NEMP2: variants seen among roughly 807,000 people sequenced by gnomAD.
The protein encoded by NEMP2 is UPF0571 transmembrane protein.
NEMP2 carries 53 observed loss-of-function variants against 54.2 expected under a neutral mutation model. That is an observed-to-expected ratio of 0.98 (90% CI 0.78 to 1.23). The LOEUF is 1.23. Ranked by LOEUF, NEMP2 falls within the 50% of genes most tolerant of loss-of-function variation. The pLI, the probability that NEMP2 is intolerant of heterozygous loss-of-function variation, is 0.00. For missense variants in NEMP2, 455 were observed against 511.3 expected (o/e 0.89, Z 1.06); for synonymous variants, 197 against 190.3 (o/e 1.04, Z -0.29).
chr2:190,533,928 C>T lies in NEMP2; in HGVS notation c.97+631G>A. On this transcript the variant is annotated intron_variant, in intron 1 of 8. Transcript: ENST00000409150. The surrounding 1 kb of genome is among the most constrained non-coding windows in gnomAD (Gnocchi z 4.3). ...CCCACTCCGTGGCGAGCCCCTACAGCTAGCAGCCGCTACCAGTTCTTGCTT... is the reference window on the plus strand; with the variant it reads ...CCCACTCCGTGGCGAGCCCCTACAGTTAGCAGCCGCTACCAGTTCTTGCTT... 2 of 971,356 alleles carry T rather than the reference C, an allele frequency of 2.1e-6. No individual in the cohort carries two copies. The highest frequency in any genetic ancestry group is 5.3e-4 in the Middle Eastern group (1 of 1,884). The allele number at this position is 971,356 out of a possible 1,614,324, so 60.2% of individuals were successfully genotyped here.
the NEMP2 span, among the ~76,000 whole-genome samples, chr2:190,640,719 AGT>A: frequency 6.7e-6 from 1 of 150,128 alleles, no homozygotes; most frequent in Non-Finnish European, 1.5e-5. Context: ...CCTAGAAGGC[AGT>A]GTTGAGTAAT....
At chr2:190,556,008 G>A in the NEMP2 span, among the ~76,000 whole-genome samples, 128 of 152,210 alleles carry the variant, frequency 8.4e-4, no homozygotes, top group African/African-American at 2.9e-3. Context: ...ACCAAAACCT[G>A]GCAGAGACAC....
chr2:190,604,207 C>A, the NEMP2 span, among the ~76,000 whole-genome samples: 2 of 152,176 alleles, frequency 1.3e-5, no homozygotes, highest in African/African-American at 4.8e-5. The surrounding 1 kb of genome is among the most constrained non-coding windows in gnomAD (Gnocchi z 4.5). Flanking sequence ...AGGGCATAGA[C>A]AGGGTTACCC....
At chr2:190,630,911 G>A in the NEMP2 span, among the ~76,000 whole-genome samples, 9 of 151,576 alleles carry the variant, frequency 5.9e-5, no homozygotes, top group Admixed American at 1.3e-4. This position sits in a 1 kb window ranked among gnomAD's most constrained non-coding sequence, Gnocchi z 5.5. Flanking sequence ...GTCTGTAGTC[G>A]TAGTGCTTTG....
At chr2:190,478,343 T>C in the NEMP2 span, among the ~76,000 whole-genome samples, 1 of 152,098 alleles carries the variant, frequency 6.6e-6, no homozygotes, top group Non-Finnish European at 1.5e-5. Context: ...ATGGTTTCAT[T>C]CCCTGGCAGA....
rs185641464 is a variant in NEMP2 at position 190,521,730 on chromosome 2, C to T, written c.214-2547G>A. On this transcript the variant is annotated intron_variant, in intron 2 of 8. Coordinates refer to ENST00000409150, the MANE Select transcript of NEMP2 (RefSeq NM_001142645.2). This position sits in a 1 kb window ranked among gnomAD's most constrained non-coding sequence, Gnocchi z 6.2. ...CTTCCATGTTGCTAACTCAAATGCC[C>T]AATTAATTCTCAGTCATCTTATTTG... Among the ~76,000 whole-genome samples, 2 of 152,300 alleles carry T rather than the reference C, an allele frequency of 1.3e-5. No individual in the cohort carries two copies. The highest frequency in any genetic ancestry group is 4.8e-5 in the African/African-American group (2 of 41,558).
the NEMP2 span, among the ~76,000 whole-genome samples, chr2:190,430,831 G>A: frequency 3.5e-4 from 51 of 146,606 alleles, no homozygotes; most frequent in African/African-American, 1.2e-3. Flanking sequence ...CGGGGCGGCC[G>A]GCCGGGCGGG....
chr2:190,633,503 G>A, the NEMP2 span, among the ~76,000 whole-genome samples: 4 of 151,478 alleles, frequency 2.6e-5, no homozygotes, highest in East Asian at 1.9e-4. Flanking sequence ...TAGTAGAGAC[G>A]GGGTTTCACC....
At chr2:190,516,424 A>C in intron 5 of NEMP2, 40 bp from the exon 6 acceptor site, 1 of 1,394,698 alleles carries the variant, frequency 7.2e-7, no homozygotes, top group Non-Finnish European at 9.8e-7. Context: ...TTTTTGGTTC[A>C]TTCACTCTCA....
At chr2:190,643,307 T>C in the NEMP2 span, among the ~76,000 whole-genome samples, 1 of 152,136 alleles carries the variant, frequency 6.6e-6, no homozygotes, top group Non-Finnish European at 1.5e-5. Flanking sequence ...AAGCAGAAGC[T>C]ACTGAGGGAA....
At chr2:190,647,501 T>C in the NEMP2 span, among the ~76,000 whole-genome samples, 1 of 152,158 alleles carries the variant, frequency 6.6e-6, no homozygotes, top group African/African-American at 2.4e-5. Flanking sequence ...AATGGCCTCC[T>C]ATAAAACTTG....
intron 1 of NEMP2, among the ~76,000 whole-genome samples, chr2:190,532,541 A>T (rs1480470776): frequency 6.6e-6 from 1 of 152,238 alleles, no homozygotes; most frequent in African/African-American, 2.4e-5. Flanking sequence ...CCTCTCAGTC[A>T]GACAACTACC....
the NEMP2 span, among the ~76,000 whole-genome samples, chr2:190,605,614 C>T: frequency 5.3e-5 from 8 of 152,084 alleles, no homozygotes; most frequent in Non-Finnish European, 1.0e-4. Context: ...TGACCTCAGG[C>T]GATCTGCCTG....
At chr2:190,596,738 T>C in the NEMP2 span, among the ~76,000 whole-genome samples, 4 of 152,184 alleles carry the variant, frequency 2.6e-5, no homozygotes, top group African/African-American at 9.7e-5. This position sits in a 1 kb window ranked among gnomAD's most constrained non-coding sequence, Gnocchi z 5.1. Flanking sequence ...ATAATTCAAC[T>C]CTTCTGATGA....
At chr2:190,615,944 A>G in the NEMP2 span, among the ~76,000 whole-genome samples, 4 of 152,188 alleles carry the variant, frequency 2.6e-5, no homozygotes, top group Non-Finnish European at 5.9e-5. The surrounding 1 kb of genome is among the most constrained non-coding windows in gnomAD (Gnocchi z 4.7). Flanking sequence ...GGTCTCCAGG[A>G]AGCTCCAGCC....
chr2:190,638,514 G>A, the NEMP2 span, among the ~76,000 whole-genome samples: 1 of 152,182 alleles, frequency 6.6e-6, no homozygotes, highest in East Asian at 1.9e-4. The surrounding 1 kb of genome is among the most constrained non-coding windows in gnomAD (Gnocchi z 5.7). Flanking sequence ...TGACGAAAAC[G>A]AACCTTGACT....
At chr2:190,648,248 T>G in the NEMP2 span, 1 of 152,254 alleles carries the variant, frequency 6.6e-6, no homozygotes, top group African/African-American at 2.4e-5. Context: ...GTCAAAGCTG[T>G]ACTTCGGACT....
the NEMP2 span, among the ~76,000 whole-genome samples, chr2:190,569,396 T>C: frequency 2.1e-5 from 1 of 48,690 alleles, no homozygotes; most frequent in Non-Finnish European, 4.0e-5. Flanking sequence ...TTGAGACAAA[T>C]TTTAAATAAA....
In NEMP2 at chr2:190,525,048, G is replaced by A. The variant is rs115845261; in HGVS notation, c.213+215C>T. On this transcript the variant is annotated intron_variant, in intron 2 of 8. Coordinates refer to ENST00000409150, the MANE Select transcript of NEMP2 (RefSeq NM_001142645.2). The surrounding 1 kb of genome is among the most constrained non-coding windows in gnomAD (Gnocchi z 5.0). ...TAGTATATTCATTGGGAGTGGCTTG[G>A]GAGGGGCTGAGGGAGAATATGAAGG... Among the ~76,000 whole-genome samples the A allele has an allele frequency of 0.022, 3,343 of 152,302 alleles. 58 individuals carry two copies. The highest frequency in any genetic ancestry group is 0.038 in the Non-Finnish European group (2,566 of 68,020).
Sources: allele counts gnomAD v4.1 joint callset (sites outside exome capture counted in the v4.1 genomes callset), GRCh38; gene constraint gnomAD v4.1.1; non-coding constraint Gnocchi (gnomAD v3.1); transcripts MANE v1.5; gene names NCBI Gene and HGNC (gene_info 2026-07-23, HGNC 2026-07-21).